GUCY1A2: variants seen among roughly 807,000 people sequenced by gnomAD.
The protein encoded by GUCY1A2 is guanylate cyclase 1 soluble subunit alpha 2.
In GUCY1A2, 27 loss-of-function variants were observed where a neutral mutation model predicts 63.5. That is an observed-to-expected ratio of 0.43 (90% CI 0.31 to 0.59). The LOEUF is 0.59. Ranked by LOEUF, GUCY1A2 falls within the 20% of genes least tolerant of loss-of-function variation. GUCY1A2 has a pLI of 0.11. For missense variants in GUCY1A2, 768 were observed against 913.3 expected, an observed-to-expected ratio of 0.84 and a Z score of 2.05; for synonymous variants, 364 against 343.5, an observed-to-expected ratio of 1.06 and a Z score of -0.66.
intron 4 of GUCY1A2, among the ~76,000 whole-genome samples, chr11:106,912,466 C>T (rs373718418): frequency 6.6e-6 from 1 of 152,028 alleles, no homozygotes; most frequent in South Asian, 2.1e-4. Context: ...AATATGTTCT[C>T]CCCAGAACCA....
At chr11:106,871,767 T>A (rs2135464805) in intron 4 of GUCY1A2, among the ~76,000 whole-genome samples, 1 of 152,300 alleles carries the variant, frequency 6.6e-6, no homozygotes, top group South Asian at 2.1e-4. Context: ...TCTATTTGCT[T>A]TAAGGTTATT....
At chr11:106,822,608 C>T (rs1248932786) in intron 4 of GUCY1A2, among the ~76,000 whole-genome samples, 3 of 152,170 alleles carry the variant, frequency 2.0e-5, no homozygotes, top group Admixed American at 6.5e-5. Flanking sequence ...TAAGTGAGAA[C>T]ATACGGTATT....
At position 106,804,954 on chromosome 11, in the gene GUCY1A2, T is replaced by G. The variant is rs544970177; in HGVS notation, c.1692+5039A>C. Among the ~76,000 whole-genome samples, 65 of 152,304 alleles carry G rather than the reference T, an allele frequency of 4.3e-4. 1 individual carries two copies. The South Asian group carries it at 9.1e-3, about 21-fold the overall frequency. On this transcript the variant is annotated intron_variant, in intron 5 of 7. Coordinates refer to ENST00000526355, the MANE Select transcript of GUCY1A2 (RefSeq NM_000855.3). ...GTGAGTGAGCCTGGATTTCCTACTT[T>G]GCTAATTGGCCTGAACTCTGCTTTT... is the stretch of plus-strand genomic sequence containing the variant.
rs756486498 is a variant in GUCY1A2, at chr11:106,776,447, G to C, written c.1828C>G (p.Pro610Ala). Residue 610 changes from proline (P) to alanine (A), a missense_variant, in exon 6 of 8, where the codon CCG becomes GCG. By Grantham distance (27) the Pro-to-Ala change is conservative. Transcript: ENST00000526355. The stretch of plus-strand genomic sequence containing the variant: ...ATTGTTGGGAGGGTTACCTGAATCG[G>C]TCTTCCATCAGGTGTCAGCACCTCT... Reference protein sequence around the residue: ...SEEVLTPDGRPIQMRIGIHSG... With the variant: ...SEEVLTPDGRAIQMRIGIHSG... The C allele has an allele frequency of 6.2e-7, 1 of 1,612,938 alleles. No homozygotes were observed. Among genetic ancestry groups the C allele is most frequent in the Non-Finnish European group, 8.5e-7 (1 of 1,179,062 alleles).
chr11:106,801,686 A>C, intron 5 of GUCY1A2, among the ~76,000 whole-genome samples: 1 of 152,146 alleles, frequency 6.6e-6, no homozygotes, highest in East Asian at 1.9e-4. Context: ...ATCATACTTA[A>C]TAATAATTTA....
At chr11:106,905,395 T>C (rs1005147582) in intron 4 of GUCY1A2, among the ~76,000 whole-genome samples, 3 of 152,150 alleles carry the variant, frequency 2.0e-5, no homozygotes, top group African/African-American at 7.2e-5. Flanking sequence ...CAAGATCAGA[T>C]GGTAGCATTG....
intron 4 of GUCY1A2, among the ~76,000 whole-genome samples, chr11:106,922,467 A>AT (rs1273300443): frequency 1.8e-4 from 27 of 151,366 alleles, no homozygotes; most frequent in Admixed American, 1.3e-4. Context: ...ATATGTATAT[A>AT]TTCAACTATA....
At chr11:106,911,281 AAAGT>A (rs972132434) in intron 4 of GUCY1A2, among the ~76,000 whole-genome samples, 6 of 152,068 alleles carry the variant, frequency 3.9e-5, no homozygotes, top group Non-Finnish European at 7.4e-5. Context: ...AACTGAGCCC[AAAGT>A]AAGAGAAAAT....
At position 106,677,622 on chromosome 11, in the gene GUCY1A2, C is replaced by T. The variant is rs773331066; in HGVS notation, c.*9927G>A. On this transcript the variant is annotated 3_prime_UTR_variant, in exon 8 of 8. Coordinates refer to ENST00000526355, the MANE Select transcript of GUCY1A2 (RefSeq NM_000855.3). ...ATCAAAGTTTTGACATGCTGAATTT[C>T]ATGGCATTCTGTCATTTTTATGACA... is the stretch of plus-strand genomic sequence containing the variant. 31 of 207,518 alleles carry T rather than the reference C, an allele frequency of 1.5e-4. No homozygotes were observed. Among genetic ancestry groups the T allele is most frequent in the Non-Finnish European group, 2.3e-4 (23 of 101,660 alleles). The allele number at this position is 207,518 out of a possible 1,614,324, so 12.9% of individuals were successfully genotyped here.
intron 6 of GUCY1A2, among the ~76,000 whole-genome samples, chr11:106,755,189 G>T (rs187575316): frequency 1.4e-4 from 22 of 152,112 alleles, no homozygotes; most frequent in African/African-American, 5.1e-4. Flanking sequence ...TGGGATCGGT[G>T]GTGATATCCC....
chr11:106,688,687 C>T, intron 7 of GUCY1A2, among the ~76,000 whole-genome samples: 1 of 152,024 alleles, frequency 6.6e-6, no homozygotes, highest in Non-Finnish European at 1.5e-5. Context: ...ACGTAATAGG[C>T]TAGATGCCAT....
At chr11:106,693,403 ATCATCG>A (rs946266687) in intron 7 of GUCY1A2, among the ~76,000 whole-genome samples, 27 of 152,116 alleles carry the variant, frequency 1.8e-4, no homozygotes, top group African/African-American at 4.8e-4. Flanking sequence ...CATCATCATC[ATCATCG>A]TCGTCTTTCT....
rs893022433 is a variant in GUCY1A2 at position 106,682,009 on chromosome 11, G to T, written c.*5540C>A. 1 of 211,210 alleles carries T rather than the reference G, an allele frequency of 4.7e-6. No homozygotes were observed. Among genetic ancestry groups the T allele is most frequent in the African/African-American group, 2.3e-5 (1 of 43,144 alleles). The allele number at this position is 211,210 out of a possible 1,614,324, so 13.1% of individuals were successfully genotyped here. On this transcript the variant is annotated 3_prime_UTR_variant, in exon 8 of 8. Coordinates refer to ENST00000526355, the MANE Select transcript of GUCY1A2 (RefSeq NM_000855.3). ...TCATAGTTTTTACCTCGGTGGTGAG[G>T]ATTAGCAAATGTTGTAATATACTGC...
At chr11:106,927,827 C>G (rs1331320171) in intron 4 of GUCY1A2, among the ~76,000 whole-genome samples, 1 of 151,522 alleles carries the variant, frequency 6.6e-6, no homozygotes, top group Non-Finnish European at 1.5e-5. Context: ...CTGCCTCAGC[C>G]TCCCAAAGTG....
At position 106,939,678 on chromosome 11, in the gene GUCY1A2, G is replaced by T; in HGVS notation, c.988C>A (p.His330Asn). The stretch of plus-strand genomic sequence containing the variant: ...GACATGCTGGGATCAAACATCAAGT[G>T]GAAAGGGAAGGCTCTACAGAAGGTG... ...INTFCRAFPF[H>N]LMFDPSMSVL... The change falls in exon 4 of 8, where the codon CAC becomes AAC. Residue 330 changes from histidine to asparagine, a missense_variant. His to Asn is a moderately conservative substitution (Grantham distance 68). Coordinates refer to ENST00000526355, the MANE Select transcript of GUCY1A2 (RefSeq NM_000855.3). 6.2e-7 allele frequency: 1 copy of T among 1,613,942 alleles called. No individual in the cohort carries two copies. The highest frequency in any genetic ancestry group is 8.5e-7 in the Non-Finnish European group (1 of 1,179,848).
At position 106,823,032 on chromosome 11, in the gene GUCY1A2, C is replaced by G. The variant is rs150362498; in HGVS notation, c.1207-12554G>C. On this transcript the variant is annotated intron_variant, in intron 4 of 7. Transcript: ENST00000526355. ...TGTTGTTTGTCAAGTGCTATGAGATCAGAGAGAAGAAAATGATATTTGTTT... is the reference window on the plus strand; with the variant it reads ...TGTTGTTTGTCAAGTGCTATGAGATGAGAGAGAAGAAAATGATATTTGTTT... 3.3e-4 allele frequency among the ~76,000 whole-genome samples: 50 copies of G among 151,812 alleles called. 1 individual carries two copies. Among genetic ancestry groups the G allele is most frequent in the African/African-American group, 1.1e-3 (45 of 41,364 alleles).
intron 4 of GUCY1A2, among the ~76,000 whole-genome samples, chr11:106,863,293 T>C (rs905103579): frequency 1.3e-5 from 2 of 152,170 alleles, no homozygotes; most frequent in African/African-American, 4.8e-5. Context: ...AAGTCTTTAA[T>C]CCACCTCGAG....
At chr11:106,727,771 T>C (rs1159576790) in intron 6 of GUCY1A2, among the ~76,000 whole-genome samples, 2 of 152,222 alleles carry the variant, frequency 1.3e-5, no homozygotes, top group Non-Finnish European at 2.9e-5. Flanking sequence ...CCATATTTTC[T>C]GCTTTTCTCC....
intron 3 of GUCY1A2, among the ~76,000 whole-genome samples, 181 bp downstream of exon 3, chr11:106,978,438 C>A (rs1160679033): frequency 6.6e-6 from 1 of 152,158 alleles, no homozygotes; most frequent in Non-Finnish European, 1.5e-5. Flanking sequence ...AAGTAAGTGG[C>A]ATGCAAGCAA....
Sources: allele counts gnomAD v4.1 joint callset (sites outside exome capture counted in the v4.1 genomes callset), GRCh38; gene constraint gnomAD v4.1.1; transcripts MANE v1.5; gene names NCBI Gene and HGNC (gene_info 2026-07-23, HGNC 2026-07-21).